The following PALD1 variants were observed in gnomAD, a reference collection of about 807,000 sequenced individuals.
PALD1 encodes paladin.
Under a neutral mutation model 96.0 loss-of-function variants are expected in PALD1, and 57 were observed. The ratio of observed to expected loss-of-function variants is 0.59; its 90% confidence interval spans 0.48 to 0.74. The LOEUF (loss-of-function observed/expected upper bound fraction) is 0.74, where lower values mean the gene tolerates loss of function less well. Ranked by LOEUF, PALD1 falls within the 30% of genes least tolerant of loss-of-function variation. The pLI is 0.00. For missense variants in PALD1, 1,063 were observed against 1,143.7 expected, an observed-to-expected ratio of 0.93 and a Z score of 1.02; for synonymous variants, 464 against 473.6, an observed-to-expected ratio of 0.98 and a Z score of 0.26.
the PALD1 span, among the ~76,000 whole-genome samples, chr10:70,473,564 AG>A: frequency 6.6e-6 from 1 of 152,162 alleles, no homozygotes; most frequent in Admixed American, 6.5e-5. Flanking sequence ...CCATGAAGGC[AG>A]GAACTTGTCT....
chr10:70,538,292 T>G lies in PALD1; in HGVS notation c.1336T>G (p.Phe446Val), dbSNP rs1384737206. The part of the protein sequence containing the change: ...YYLHEQYPLA[F>V]ALSFSRWLCA... The stretch of plus-strand genomic sequence containing the variant: ...CCTCGGGCTGCAGTACCCGCTGGCC[T>G]TTGCCCTCAGTTTCAGCCGCTGGCT... Residue 446 changes from phenylalanine (F) to valine (V), a missense_variant, in exon 12 of 20, where the codon TTT becomes GTT. By Grantham distance (50) the Phe-to-Val change is conservative (BLOSUM62 -1). Coordinates refer to ENST00000263563, the MANE Select transcript of PALD1 (RefSeq NM_014431.3). 1.2e-6 allele frequency: 2 copies of G among 1,602,914 alleles called. No individual in the cohort carries two copies. Among genetic ancestry groups the G allele is most frequent in the African/African-American group, 2.7e-5 (2 of 74,930 alleles).
At chr10:70,509,778 AGGAGGGCACAGGTTGGGTCT>A (rs1344659179) in intron 1 of PALD1, among the ~76,000 whole-genome samples, 1 of 152,106 alleles carries the variant, frequency 6.6e-6, no homozygotes, top group Non-Finnish European at 1.5e-5. Context: ...ACTTCTCTCT[AGGAGGGCACAGGTTGGGTCT>A]GGGGGCAGGA....
At chr10:70,562,195 G>A (rs1208967587) in intron 18 of PALD1, among the ~76,000 whole-genome samples, 1 of 152,212 alleles carries the variant, frequency 6.6e-6, no homozygotes, top group African/African-American at 2.4e-5. Context: ...GTCTCCCAGG[G>A]AGTCACAGTG....
chr10:70,557,005 C>T (rs1412355489), intron 18 of PALD1, among the ~76,000 whole-genome samples: 1 of 152,208 alleles, frequency 6.6e-6, no homozygotes, highest in East Asian at 1.9e-4. Flanking sequence ...TTGAGTAAAT[C>T]ATTGCATAAA....
intron 17 of PALD1, among the ~76,000 whole-genome samples, chr10:70,546,711 G>A (rs1847371545): frequency 1.3e-5 from 2 of 152,346 alleles, no homozygotes; most frequent in South Asian, 4.1e-4. Flanking sequence ...AGCACTTTGG[G>A]AGGCCAAGGG....
chr10:70,559,625 T>G (rs1847694575), intron 18 of PALD1, among the ~76,000 whole-genome samples: 1 of 151,970 alleles, frequency 6.6e-6, no homozygotes, highest in Non-Finnish European at 1.5e-5. Flanking sequence ...GTGGAGCCAG[T>G]GAGGTTTCCT....
chr10:70,487,101 G>A (rs956852895), intron 1 of PALD1, among the ~76,000 whole-genome samples: 44 of 151,538 alleles, frequency 2.9e-4, no homozygotes, highest in African/African-American at 1.0e-3. Context: ...TAAGCCCTGG[G>A]CTGGCATTTG....
At chr10:70,554,529 C>A (rs66776414) in intron 18 of PALD1, among the ~76,000 whole-genome samples, 110,543 of 152,054 alleles carry the variant, frequency 0.73, 42,306 homozygotes, top group Non-Finnish European at 0.86. Context: ...GTTAGAATGC[C>A]GGGCCCTGGC....
intron 18 of PALD1, among the ~76,000 whole-genome samples, chr10:70,556,302 C>CTCTCTG (rs1554862650): frequency 2.9e-5 from 4 of 137,320 alleles, no homozygotes; most frequent in African/African-American, 6.4e-5. Flanking sequence ...CTCTCTCTCT[C>CTCTCTG]TCTCTGTCTC....
chr10:70,514,939 T>G (rs1846589455), intron 1 of PALD1, among the ~76,000 whole-genome samples: 1 of 152,204 alleles, frequency 6.6e-6, no homozygotes, highest in African/African-American at 2.4e-5. Flanking sequence ...GTAATCATGT[T>G]CATTGTAAGA....
intron 9 of PALD1, 22 bp downstream of exon 9, chr10:70,534,546 G>T (rs1305286315): frequency 3.8e-6 from 6 of 1,560,414 alleles, no homozygotes; most frequent in Non-Finnish European, 5.3e-6. Context: ...ACAGCAAAGG[G>T]CTGGGGCAGG....
chr10:70,527,270 T>C (rs1846887808), intron 2 of PALD1, among the ~76,000 whole-genome samples: 1 of 152,172 alleles, frequency 6.6e-6, no homozygotes, highest in Admixed American at 6.5e-5. Flanking sequence ...AAGTGATGTG[T>C]CTCAGAACAG....
At chr10:70,475,493 C>T (rs1456881462), upstream of PALD1, among the ~76,000 whole-genome samples, 1 of 152,168 alleles carries the variant, frequency 6.6e-6, no homozygotes, top group East Asian at 1.9e-4. Context: ...AGGAGCAAGG[C>T]CAGCCCATGT....
intron 18 of PALD1, among the ~76,000 whole-genome samples, chr10:70,559,271 G>T (rs1197433727): frequency 6.6e-6 from 1 of 152,066 alleles, no homozygotes; most frequent in Non-Finnish European, 1.5e-5. Flanking sequence ...TCAGACAGAG[G>T]GTGTGGCTTG....
intron 1 of PALD1, among the ~76,000 whole-genome samples, chr10:70,494,412 G>T (rs1203175617): frequency 6.6e-6 from 1 of 152,204 alleles, no homozygotes; most frequent in East Asian, 1.9e-4. Context: ...CAGGAAGAGA[G>T]AATGCATGAG....
chr10:70,529,940 A>G lies in PALD1; in HGVS notation c.340A>G (p.Thr114Ala), dbSNP rs760977206. ...CACTGAGAAGATGGATGTGCTGGGCACCGTGGGAAGCTGTGGGGCCCCCAA... is the reference window on the plus strand; with the variant it reads ...CACTGAGAAGATGGATGTGCTGGGCGCCGTGGGAAGCTGTGGGGCCCCCAA... ...DVTEKMDVLGTVGSCGAPNFR... is the reference protein window; with the variant it reads ...DVTEKMDVLGAVGSCGAPNFR... The change falls in exon 4 of 20, where the codon ACC becomes GCC. Residue 114 changes from threonine to alanine, a missense_variant. Physicochemically the swap from Thr to Ala is moderately conservative, Grantham distance 58 (BLOSUM62 0). Coordinates refer to ENST00000263563, the MANE Select transcript of PALD1 (RefSeq NM_014431.3). 2 of 1,613,922 alleles carry G rather than the reference A, an allele frequency of 1.2e-6. No individual in the cohort carries two copies. Among genetic ancestry groups the G allele is most frequent in the Admixed American group, 3.3e-5 (2 of 60,014 alleles).
At chr10:70,534,901 T>G in intron 10 of PALD1, 58 bp downstream of exon 10, 5 of 1,128,238 alleles carry the variant, frequency 4.4e-6, no homozygotes, top group Non-Finnish European at 6.6e-6. Context: ...GCAGCCTGAT[T>G]TCATTAGGCA....
At chr10:70,517,006 T>C (rs948161748) in intron 1 of PALD1, among the ~76,000 whole-genome samples, 22 of 152,186 alleles carry the variant, frequency 1.4e-4, no homozygotes, top group Non-Finnish European at 2.9e-4. Context: ...ACAGCCCAGC[T>C]TCAGAGGCCA....
chr10:70,547,649 C>T (rs1473265119), intron 18 of PALD1, among the ~76,000 whole-genome samples: 1 of 152,154 alleles, frequency 6.6e-6, no homozygotes, highest in African/African-American at 2.4e-5. Flanking sequence ...GTATGGGTAC[C>T]AGATTCTGGA....
Sources: gnomAD v4.1 joint callset for allele counts (sites outside exome capture counted in the v4.1 genomes callset) on GRCh38, gnomAD v4.1.1 for gene constraint, MANE v1.5 for transcripts, NCBI Gene and HGNC (gene_info 2026-07-23, HGNC 2026-07-21) for gene names.